Variants in PPP1R9A observed in about 807,000 individuals in gnomAD.
PPP1R9A encodes the protein neurabin-1.
PPP1R9A carries 59 observed loss-of-function variants against 141.9 expected under a neutral mutation model. The ratio of observed to expected loss-of-function variants is 0.42; its 90% confidence interval spans 0.34 to 0.52. The LOEUF is 0.52. Ranked by LOEUF, PPP1R9A falls within the 20% of genes least tolerant of loss-of-function variation. PPP1R9A has a pLI of 0.10. For synonymous variants in PPP1R9A, 500 were observed against 569.7 expected, an observed-to-expected ratio of 0.88 and a Z score of 1.74; for missense variants, 1,444 against 1,611.9, an observed-to-expected ratio of 0.90 and a Z score of 1.78.
chr7:95,204,275 C>T (rs1459605673), intron 7 of PPP1R9A, among the ~76,000 whole-genome samples: 2 of 151,876 alleles, frequency 1.3e-5, no homozygotes, highest in Non-Finnish European at 2.9e-5. Flanking sequence ...TAAAATAATT[C>T]TCGTTATGTT....
chr7:95,269,213 A>G lies in PPP1R9A; in HGVS notation c.2830A>G (p.Asn944Asp), dbSNP rs1801773574. 6.5e-7 allele frequency: 1 copy of G among 1,529,378 alleles called. No homozygotes were observed. The highest frequency in any genetic ancestry group is 8.9e-7 in the Non-Finnish European group (1 of 1,118,478). The allele number at this position is 1,529,378 out of a possible 1,614,324, so 94.7% of individuals were successfully genotyped here. Residue 944 changes from asparagine to aspartate, a missense_variant, in exon 14 of 20, where the codon AAC becomes GAC. Asn to Asp is a conservative substitution (Grantham distance 23). This residue lies in a region of PPP1R9A where 459 missense variants were observed against 513.8 expected (regional missense o/e 0.89). Transcript: ENST00000433360. ...TAATCTCTTATACCAACAGCCATCA[A>G]ACAGTTTCTATAACCACATGCATAT... ...GEDSLERKPSNSFYNHMHITK... is the reference protein window; with the variant it reads ...GEDSLERKPSDSFYNHMHITK...
At chr7:95,067,403 A>G (rs1813096767) in intron 2 of PPP1R9A, among the ~76,000 whole-genome samples, 1 of 152,202 alleles carries the variant, frequency 6.6e-6, no homozygotes, top group Non-Finnish European at 1.5e-5. Flanking sequence ...TGAAGCTAAT[A>G]TATTATCTGA....
At chr7:94,921,894 G>C (rs529523157) in intron 2 of PPP1R9A, among the ~76,000 whole-genome samples, 28 of 151,982 alleles carry the variant, frequency 1.8e-4, no homozygotes, top group African/African-American at 6.3e-4. Context: ...CTGGCTGGAA[G>C]ATTGAGGCTG....
At chr7:94,935,250 C>T (rs1794644190) in intron 2 of PPP1R9A, among the ~76,000 whole-genome samples, 1 of 152,176 alleles carries the variant, frequency 6.6e-6, no homozygotes, top group African/African-American at 2.4e-5. Context: ...GATTGCAGGG[C>T]TAAGCTACTA....
intron 2 of PPP1R9A, among the ~76,000 whole-genome samples, chr7:94,951,356 T>C (rs1796455658): frequency 1.3e-5 from 2 of 152,040 alleles, no homozygotes; most frequent in Non-Finnish European, 1.5e-5. Flanking sequence ...ATATGGCATT[T>C]GGTGTTAATT....
intron 2 of PPP1R9A, among the ~76,000 whole-genome samples, chr7:94,954,154 A>C (rs535808353): frequency 1.6e-4 from 25 of 151,822 alleles, no homozygotes; most frequent in African/African-American, 5.8e-4. Context: ...TAGCTCATTA[A>C]TTTTCAGCCT....
At chr7:95,168,955 T>G (rs902271105) in intron 5 of PPP1R9A, among the ~76,000 whole-genome samples, 5 of 151,838 alleles carry the variant, frequency 3.3e-5, no homozygotes, top group African/African-American at 4.8e-5. Context: ...GTTAATACAG[T>G]CATTAGGGAA....
intron 4 of PPP1R9A, among the ~76,000 whole-genome samples, chr7:95,134,275 A>G (rs1825222564): frequency 6.6e-6 from 1 of 152,120 alleles, no homozygotes; most frequent in Admixed American, 6.5e-5. Context: ...CAATGAGAAT[A>G]CATGGACACA....
intron 2 of PPP1R9A, among the ~76,000 whole-genome samples, chr7:95,075,639 T>C (rs977238570): frequency 2.6e-5 from 4 of 151,976 alleles, no homozygotes; most frequent in Admixed American, 1.3e-4. Flanking sequence ...ATCAAGACCA[T>C]CCTGGCTAAC....
At chr7:95,215,131 C>G (rs1036949816) in intron 7 of PPP1R9A, among the ~76,000 whole-genome samples, 1 of 120,972 alleles carries the variant, frequency 8.3e-6, no homozygotes, top group East Asian at 3.0e-4. Context: ...CTCCCCCCAC[C>G]CACAACAGGC....
At position 95,151,941 on chromosome 7, in the gene PPP1R9A, C is replaced by CTTTTTT. The variant is rs1167382285; in HGVS notation, c.1650-9902_1650-9897dup. On this transcript the variant is annotated intron_variant, in intron 4 of 19. Coordinates refer to ENST00000433360, the MANE Select transcript of PPP1R9A (RefSeq NM_001166160.2). The stretch of plus-strand genomic sequence containing the variant: ...AATGTCAGCACATAGTACTGAGAAT[C>CTTTTTT]TTTTTTTTTTTTTTTTTTTTTTTTT... Among the ~76,000 whole-genome samples, 79 of 54,466 alleles carry CTTTTTT rather than the reference C, an allele frequency of 1.5e-3. 16 individuals carry two copies. The highest frequency in any genetic ancestry group is 4.9e-3 in the East Asian group (7 of 1,428). 35.7% of individuals were successfully genotyped at this position (54,466 alleles called of 152,430 possible). A position where few individuals can be genotyped will look rare whatever the true frequency, so the allele number is the denominator to read the frequency against.
chr7:95,151,652 G>GTT (rs530076715), intron 4 of PPP1R9A, among the ~76,000 whole-genome samples: 8 of 144,898 alleles, frequency 5.5e-5, no homozygotes, highest in Admixed American at 1.4e-4. Context: ...GTCTTTAAAG[G>GTT]TTTTTTTTTT....
At chr7:95,030,033 A>G (rs893284325) in intron 2 of PPP1R9A, among the ~76,000 whole-genome samples, 2 of 152,190 alleles carry the variant, frequency 1.3e-5, no homozygotes, top group African/African-American at 2.4e-5. Context: ...CCAAAGACGT[A>G]TATCTCATCG....
At chr7:95,255,715 G>A (rs1198761340) in intron 12 of PPP1R9A, among the ~76,000 whole-genome samples, 1 of 152,056 alleles carries the variant, frequency 6.6e-6, no homozygotes, top group Admixed American at 6.6e-5. Flanking sequence ...AGATGAGAGG[G>A]AATTCAAAGA....
intron 2 of PPP1R9A, among the ~76,000 whole-genome samples, chr7:94,993,211 C>T (rs1011637959): frequency 3.3e-5 from 5 of 151,486 alleles, no homozygotes; most frequent in African/African-American, 1.2e-4. Flanking sequence ...TGTGGGTGCT[C>T]TATTTTATGT....
In PPP1R9A at chr7:95,198,357, T is replaced by C; in HGVS notation, c.1763T>C (p.Ile588Thr). ...TGTTAACCTTTCCACAGATTTGTTA[T>C]TGGGCGGGAAAAACCAGGACAAGTG... ...RNTKGNVRFV[I>T]GREKPGQVSE... Residue 588 changes from isoleucine (I) to threonine (T), a missense_variant, in exon 6 of 20, where the codon ATT (isoleucine) becomes ACT (threonine). This residue lies in a region of PPP1R9A where 488 missense variants were observed against 542.0 expected (regional missense o/e 0.90). Transcript: ENST00000433360. 6.2e-7 allele frequency: 1 copy of C among 1,603,538 alleles called. No homozygotes were observed. The highest frequency in any genetic ancestry group is 8.5e-7 in the Non-Finnish European group (1 of 1,176,846).
At chr7:94,995,792 T>C (rs1802095687) in intron 2 of PPP1R9A, among the ~76,000 whole-genome samples, 1 of 152,166 alleles carries the variant, frequency 6.6e-6, no homozygotes, top group Non-Finnish European at 1.5e-5. Flanking sequence ...GAATTGATTT[T>C]TCTCAGCATT....
intron 2 of PPP1R9A, among the ~76,000 whole-genome samples, chr7:95,104,129 G>T (rs1819188784): frequency 6.6e-6 from 1 of 152,220 alleles, no homozygotes; most frequent in Non-Finnish European, 1.5e-5. Context: ...TGATGTTGAA[G>T]ATACAGGGGT....
intron 5 of PPP1R9A, among the ~76,000 whole-genome samples, chr7:95,171,732 T>G (rs1395305743): frequency 6.6e-6 from 1 of 151,624 alleles, no homozygotes. Context: ...CTGGTGAATC[T>G]TAGCATTAGA....
Sources: gnomAD v4.1 joint callset for allele counts (sites outside exome capture counted in the v4.1 genomes callset) on GRCh38, gnomAD v4.1.1 for gene constraint, gnomAD v4.1.1 regional missense constraint, MANE v1.5 for transcripts, NCBI Gene and HGNC (gene_info 2026-07-23, HGNC 2026-07-21) for gene names.